Variants in RYR2 observed in about 807,000 individuals in gnomAD.
RYR2 encodes ryanodine receptor 2.
In RYR2, 227 loss-of-function variants were observed where a neutral mutation model predicts 601.1. The ratio of observed to expected loss-of-function variants is 0.38; its 90% confidence interval spans 0.34 to 0.42. The LOEUF is 0.42. RYR2 is among the 10% of genes least tolerant of loss of function. RYR2 has a pLI of 1.00. For synonymous variants in RYR2, 2,223 were observed against 2,175.1 expected, an observed-to-expected ratio of 1.02 and a Z score of -0.61; for missense variants, 4,646 against 6,156.5, an observed-to-expected ratio of 0.75 and a Z score of 8.21.
chr1:237,242,534 G>C (rs1686307260), intron 1 of RYR2, among the ~76,000 whole-genome samples: 1 of 151,962 alleles, frequency 6.6e-6, no homozygotes, highest in South Asian at 2.1e-4. Flanking sequence ...TGAGCCATAG[G>C]ATATTATGTG....
chr1:237,115,166 C>T (rs1412015016), intron 1 of RYR2, among the ~76,000 whole-genome samples: 1 of 152,022 alleles, frequency 6.6e-6, no homozygotes, highest in Non-Finnish European at 1.5e-5. Flanking sequence ...ACTCTGGAGA[C>T]CACGCCTCCA....
chr1:237,188,214 C>T (rs752602084), intron 1 of RYR2, among the ~76,000 whole-genome samples: 5 of 151,282 alleles, frequency 3.3e-5, no homozygotes, highest in African/African-American at 4.9e-5. Flanking sequence ...TTTCTAGCAT[C>T]GTGTGCCTCA....
intron 4 of RYR2, among the ~76,000 whole-genome samples, chr1:237,360,595 A>C (rs1023842381): frequency 1.3e-5 from 2 of 152,248 alleles, no homozygotes; most frequent in African/African-American, 2.4e-5. Flanking sequence ...AGAGCTGTTT[A>C]TAGGTTGAAA....
chr1:237,139,895 G>A (rs375441046), intron 1 of RYR2, among the ~76,000 whole-genome samples: 55 of 152,346 alleles, frequency 3.6e-4, no homozygotes, highest in African/African-American at 1.3e-3. Context: ...AGTGCTGTGT[G>A]ACGTGCTAGC....
intron 48 of RYR2, among the ~76,000 whole-genome samples, chr1:237,645,052 A>T (rs565113091): frequency 4.0e-4 from 61 of 152,260 alleles, no homozygotes; most frequent in African/African-American, 1.4e-3. Context: ...CAAACAAAAA[A>T]CATAATTAGG....
At chr1:237,338,679 T>C in intron 3 of RYR2, among the ~76,000 whole-genome samples, 1 of 152,174 alleles carries the variant, frequency 6.6e-6, no homozygotes, top group Admixed American at 6.5e-5. Context: ...CAACAGTAGA[T>C]CTTCATATTT....
chr1:237,733,660 T>C, intron 78 of RYR2, 45 bp from the exon 79 acceptor site: 2 of 1,342,822 alleles, frequency 1.5e-6, no homozygotes, highest in Non-Finnish European at 2.1e-6. Flanking sequence ...TGCATGTGCC[T>C]AGCCTTCTGC....
At chr1:237,572,571 G>A (rs1376732913) in intron 29 of RYR2, among the ~76,000 whole-genome samples, 2 of 152,154 alleles carry the variant, frequency 1.3e-5, no homozygotes, top group African/African-American at 4.8e-5. Context: ...TTTAAAAACT[G>A]ACTTGAACTT....
chr1:237,671,218 G>T (rs1295156068), intron 58 of RYR2, among the ~76,000 whole-genome samples: 1 of 152,156 alleles, frequency 6.6e-6, no homozygotes, highest in Admixed American at 6.5e-5. Flanking sequence ...AGTAGGAAAC[G>T]TGTTGAACTA....
chr1:237,793,926 G>A lies in RYR2; in HGVS notation c.13842G>A (p.Gly4614=). 6.2e-7 allele frequency: 1 copy of A among 1,611,768 alleles called. No homozygotes were observed. The highest frequency in any genetic ancestry group is 1.7e-4 in the Middle Eastern group (1 of 6,056). Residue 4614 remains glycine (G), a synonymous_variant, in exon 95 of 105, where the codon GGG becomes GGA. Transcript: ENST00000366574. ...KEVARKLEFD[G]LYITEQPSED... ...TGGCACGGAAATTGGAATTTGATGG[G>A]CTTTATATTACAGAACAGCCTTCAG...
chr1:237,526,705 G>T (rs1667627249), intron 24 of RYR2, among the ~76,000 whole-genome samples: 1 of 152,102 alleles, frequency 6.6e-6, no homozygotes, highest in Admixed American at 6.6e-5. Flanking sequence ...TTTAAGTTCT[G>T]TGTGGATTCT....
intron 63 of RYR2, among the ~76,000 whole-genome samples, chr1:237,689,788 T>C (rs1686775246): frequency 6.6e-6 from 1 of 152,160 alleles, no homozygotes; most frequent in African/African-American, 2.4e-5. Flanking sequence ...AACTTCAACA[T>C]GGCTTTATTA....
intron 22 of RYR2, 24 bp from the exon 23 acceptor site, chr1:237,506,686 C>CTT: frequency 6.4e-7 from 1 of 1,570,634 alleles, no homozygotes; most frequent in South Asian, 1.1e-5. Context: ...TCTGATGTGT[C>CTT]TTTTTTCTTT....
chr1:237,596,748 T>G (rs1470988019), intron 34 of RYR2, among the ~76,000 whole-genome samples: 7 of 152,146 alleles, frequency 4.6e-5, no homozygotes, highest in Admixed American at 6.6e-5. Flanking sequence ...AAAAGAATCC[T>G]AAGAGTAATG....
intron 16 of RYR2, among the ~76,000 whole-genome samples, chr1:237,457,848 C>T (rs1457107181): frequency 6.6e-6 from 1 of 152,200 alleles, no homozygotes; most frequent in Admixed American, 6.5e-5. Flanking sequence ...ATCTCAGATT[C>T]ATCCTGTATG....
intron 3 of RYR2, among the ~76,000 whole-genome samples, chr1:237,350,021 A>G (rs1038312331): frequency 8.5e-5 from 13 of 152,166 alleles, no homozygotes; most frequent in Non-Finnish European, 1.8e-4. Flanking sequence ...ACATGAGACC[A>G]ATATAATACA....
intron 38 of RYR2, among the ~76,000 whole-genome samples, chr1:237,623,396 T>C (rs1323647721): frequency 2.2e-5 from 3 of 138,376 alleles, no homozygotes; most frequent in Admixed American, 1.4e-4. Context: ...TTTTTTTTTT[T>C]TTTTTTTTTT....
chr1:237,820,204 A>AG (rs1662306918), intron 101 of RYR2, among the ~76,000 whole-genome samples: 1 of 151,256 alleles, frequency 6.6e-6, no homozygotes, highest in Admixed American at 6.6e-5. Flanking sequence ...AAAAAAAAAA[A>AG]AAAGGTGGGG....
chr1:237,688,427 C>T (rs961818465), intron 63 of RYR2, among the ~76,000 whole-genome samples: 9 of 150,958 alleles, frequency 6.0e-5, no homozygotes, highest in Middle Eastern at 3.5e-3. Flanking sequence ...TATATATATA[C>T]ACACACACAC....
Sources: allele counts gnomAD v4.1 joint callset (sites outside exome capture counted in the v4.1 genomes callset), GRCh38; gene constraint gnomAD v4.1.1; transcripts MANE v1.5; gene names NCBI Gene and HGNC (gene_info 2026-07-23, HGNC 2026-07-21).